UBE3A: variants seen among roughly 807,000 people sequenced by gnomAD.
UBE3A encodes ubiquitin protein ligase E3A.
A neutral mutation model predicts 83.4 loss-of-function variants in UBE3A; 6 were observed. The observed-to-expected ratio is 0.07, with a 90% CI of 0.04 to 0.14. UBE3A has a LOEUF of 0.14. Among genes scored for constraint, UBE3A ranks in the 10% least tolerant of loss-of-function variants. The probability of loss-of-function intolerance (pLI) is 1.00; values close to 1 mark genes in which losing one functional copy is unlikely to be tolerated. For missense variants in UBE3A, 456 were observed against 1,036.1 expected, an observed-to-expected ratio of 0.44 and a Z score of 7.69; for synonymous variants, 337 against 355.4, an observed-to-expected ratio of 0.95 and a Z score of 0.58.
chr15:25,371,874 C>T lies in UBE3A; in HGVS notation c.362-62G>A. The T allele has an allele frequency of 2.0e-6, 3 of 1,514,062 alleles. No individual in the cohort carries two copies. Among genetic ancestry groups the T allele is most frequent in the South Asian group, 2.4e-5 (2 of 82,064 alleles). 93.8% of individuals were successfully genotyped at this position (1,514,062 alleles called of 1,614,324 possible). On this transcript the variant is annotated intron_variant, in intron 5 of 12. Transcript: ENST00000648336. The surrounding 1 kb of genome is among the most constrained non-coding windows in gnomAD (Gnocchi z 5.3). ...CATAATATGTATGTTTACTCTGTTG[C>T]AAAAAGTTCTAAAAGTAAAACAGCC...
At chr15:25,383,510 G>A (rs780233726) in intron 4 of UBE3A, among the ~76,000 whole-genome samples, 7 of 151,974 alleles carry the variant, frequency 4.6e-5, no homozygotes, top group African/African-American at 7.2e-5. Context: ...GGTGGTGGGC[G>A]CCTGTAATTC....
intron 1 of UBE3A, among the ~76,000 whole-genome samples, chr15:25,429,495 TTATC>T (rs1218837006): frequency 6.6e-6 from 1 of 152,100 alleles, no homozygotes; most frequent in Non-Finnish European, 1.5e-5. Flanking sequence ...CCTTGGAAGA[TTATC>T]TAATATAAAC....
Position 25,355,875 on chromosome 15 carries a change from A to G in UBE3A, c.2124+17T>C, listed in dbSNP as rs1326698820. Reference sequence around the variant, plus strand: ...TGTTAATGAAGAGACAAAATGTGACATAAAAACATTTATTACCTTCCTGTT... The same window carrying G: ...TGTTAATGAAGAGACAAAATGTGACGTAAAAACATTTATTACCTTCCTGTT... On this transcript the variant is annotated intron_variant, in intron 9 of 12. Transcript: ENST00000648336. 2 of 1,607,172 alleles carry G rather than the reference A, an allele frequency of 1.2e-6. No homozygotes were observed. The highest frequency in any genetic ancestry group is 1.7e-6 in the Non-Finnish European group (2 of 1,175,378).
chr15:25,344,593 C>A (rs1341364935), intron 11 of UBE3A, among the ~76,000 whole-genome samples: 2 of 152,066 alleles, frequency 1.3e-5, no homozygotes, highest in Non-Finnish European at 2.9e-5. Flanking sequence ...GTATTAAATA[C>A]AAAAACATTC....
chr15:25,420,592 A>G (rs1011709172), intron 1 of UBE3A: 5 of 152,218 alleles, frequency 3.3e-5, no homozygotes, highest in Non-Finnish European at 7.3e-5. Context: ...ATGTAAATTA[A>G]GACCATAATG....
At chr15:25,413,398 CCAACA>C (rs933888933) in intron 1 of UBE3A, among the ~76,000 whole-genome samples, 1 of 151,854 alleles carries the variant, frequency 6.6e-6, no homozygotes, top group African/African-American at 2.4e-5. Flanking sequence ...ATTATAACAC[CCAACA>C]CTTCTGTTCT....
chr15:25,371,273 T>C lies in UBE3A; in HGVS notation c.901A>G (p.Met301Val), dbSNP rs587783147. The C allele has an allele frequency of 3.7e-6, 6 of 1,614,062 alleles. No homozygotes were observed. In the African/African-American group the frequency reaches 4.0e-5, roughly 11 times the overall value. The change falls in exon 6 of 13, where the codon ATG becomes GTG. Residue 301 changes from methionine to valine, a missense_variant. Met to Val is a conservative substitution (Grantham distance 21). Transcript: ENST00000648336. This position sits in a 1 kb window ranked among gnomAD's most constrained non-coding sequence, Gnocchi z 5.3. The stretch of plus-strand genomic sequence containing the variant: ...GCTTTGCAAAATAATGGCAAAGCCA[T>C]TTCCAGATATTCAGGACTGTGGAGA... ...RNLHSPEYLE[M>V]ALPLFCKAMS... is the part of the protein sequence containing the mutation.
intron 12 of UBE3A, 175 bp downstream of exon 12, chr15:25,339,910 T>A (rs2074446405): frequency 7.1e-6 from 6 of 840,578 alleles, no homozygotes; most frequent in Non-Finnish European, 1.1e-5. Context: ...GGCAATTTCT[T>A]AAAAGTTTCC....
At chr15:25,397,832 T>G (rs537469760) in intron 4 of UBE3A, among the ~76,000 whole-genome samples, 2 of 152,262 alleles carry the variant, frequency 1.3e-5, no homozygotes, top group South Asian at 2.1e-4. Flanking sequence ...TCAATGTCCC[T>G]GTACATGGTT....
At chr15:25,357,463 C>T (rs183011465) in intron 7 of UBE3A, 51 of 153,752 alleles carry the variant, frequency 3.3e-4, no homozygotes, top group Non-Finnish European at 4.3e-5. Flanking sequence ...ATTCTCCTGC[C>T]TCAGCCTCCT....
At chr15:25,367,202 T>TTTGTAAATATGTAAATATTTACATA (rs2079324046) in intron 6 of UBE3A, among the ~76,000 whole-genome samples, 1 of 98,218 alleles carries the variant, frequency 1.0e-5, no homozygotes, top group Non-Finnish European at 1.8e-5. Flanking sequence ...TATTTACATA[T>TTTGTAAATATGTAAATATTTACATA]TTGTAAATAT....
chr15:25,429,353 C>T (rs6420958), intron 1 of UBE3A, among the ~76,000 whole-genome samples: 151,027 of 152,324 alleles, frequency 0.99, 74,878 homozygotes, highest in Middle Eastern at 1. Context: ...TTTATATTTC[C>T]AGGTGGTGGA....
chr15:25,408,561 A>G, intron 3 of UBE3A: 1 of 1,608,622 alleles, frequency 6.2e-7, no homozygotes, highest in Non-Finnish European at 8.5e-7. Flanking sequence ...ATATGATCAC[A>G]AAACACCCAC....
chr15:25,423,854 C>T (rs1890544244), intron 1 of UBE3A, among the ~76,000 whole-genome samples: 1 of 152,104 alleles, frequency 6.6e-6, no homozygotes, highest in African/African-American at 2.4e-5. Context: ...CCTTTATTTC[C>T]CACTTTCATC....
chr15:25,347,108 G>A (rs2075803280), intron 11 of UBE3A: 1 of 152,144 alleles, frequency 6.6e-6, no homozygotes, highest in Non-Finnish European at 1.5e-5. Context: ...TTGAAGACTG[G>A]CTAATGGAAG....
intron 5 of UBE3A, among the ~76,000 whole-genome samples, chr15:25,373,173 A>T (rs1439098958): frequency 4.6e-5 from 7 of 152,194 alleles, no homozygotes; most frequent in Admixed American, 4.6e-4. Context: ...CCTATTTCTC[A>T]TTATTTTCAT....
intron 4 of UBE3A, among the ~76,000 whole-genome samples, chr15:25,403,931 C>G (rs570624463): frequency 1.6e-3 from 243 of 152,174 alleles, no homozygotes; most frequent in Non-Finnish European, 2.5e-3. Flanking sequence ...TAATGGTTGT[C>G]AGAGGCTGTG....
chr15:25,425,138 C>CA (rs796928788), intron 1 of UBE3A, among the ~76,000 whole-genome samples: 16 of 151,262 alleles, frequency 1.1e-4, no homozygotes, highest in African/African-American at 2.9e-4. Flanking sequence ...GTGTGTTACC[C>CA]AAAAAAAACA....
Position 25,338,806 on chromosome 15 carries a change from G to GTGAT in UBE3A, c.*327_*330dup, listed in dbSNP as rs1382384840. ...CAAGCAGTAATAAACACAAGCAAAA[G>GTGAT]TGATTTAACCCTTAAAATAAATATT... is the stretch of plus-strand genomic sequence containing the variant. On this transcript the variant is annotated 3_prime_UTR_variant, in exon 13 of 13. Coordinates refer to ENST00000648336, the MANE Select transcript of UBE3A (RefSeq NM_130839.5). The GTGAT allele has an allele frequency of 6.4e-6, 1 of 155,120 alleles. No individual in the cohort carries two copies. The highest frequency in any genetic ancestry group is 1.4e-5 in the Non-Finnish European group (1 of 70,278). The allele number at this position is 155,120 out of a possible 1,614,324, so 9.6% of individuals were successfully genotyped here.
Sources: gnomAD v4.1 joint callset for allele counts (sites outside exome capture counted in the v4.1 genomes callset) on GRCh38, gnomAD v4.1.1 for gene constraint, Gnocchi (gnomAD v3.1) non-coding constraint, MANE v1.5 for transcripts, NCBI Gene and HGNC (gene_info 2026-07-23, HGNC 2026-07-21) for gene names.